ROBO1: variants seen among roughly 807,000 people sequenced by gnomAD.
ROBO1 encodes the protein roundabout homolog 1.
Under a neutral mutation model 195.9 loss-of-function variants are expected in ROBO1, and 149 were observed. The ratio of observed to expected loss-of-function variants is 0.76; its 90% CI spans 0.67 to 0.87. The LOEUF (loss-of-function observed/expected upper bound fraction) is 0.87. ROBO1 is among the 40% of genes least tolerant of loss of function. The pLI is 0.00. For synonymous variants in ROBO1, 816 were observed against 733.2 expected (o/e 1.11, Z -1.82); for missense variants, 1,933 against 2,068.3 (o/e 0.93, Z 1.27).
chr3:79,003,548 C>A (rs193063399), intron 3 of ROBO1, among the ~76,000 whole-genome samples: 1 of 152,126 alleles, frequency 6.6e-6, no homozygotes, highest in East Asian at 1.9e-4. Flanking sequence ...TTCACAGTAA[C>A]CCCATCAAGT....
intron 4 of ROBO1, among the ~76,000 whole-genome samples, chr3:78,832,000 C>A (rs1366449386): frequency 9.7e-6 from 1 of 103,260 alleles, no homozygotes; most frequent in East Asian, 2.5e-4. Flanking sequence ...AGGACACAGC[C>A]AAACCATATC....
At chr3:78,667,384 C>T (rs769329599) in intron 14 of ROBO1, among the ~76,000 whole-genome samples, 8 of 151,996 alleles carry the variant, frequency 5.3e-5, no homozygotes, top group African/African-American at 1.2e-4. Flanking sequence ...TATCTATCAC[C>T]TCAATCATTT....
chr3:79,412,698 T>C (rs1371066547), intron 2 of ROBO1, among the ~76,000 whole-genome samples: 1 of 152,036 alleles, frequency 6.6e-6, no homozygotes, highest in Non-Finnish European at 1.5e-5. Flanking sequence ...GAATACTGTA[T>C]AAAGACAGTA....
At chr3:79,631,132 T>C (rs1945328324) in intron 1 of ROBO1, among the ~76,000 whole-genome samples, 1 of 151,616 alleles carries the variant, frequency 6.6e-6, no homozygotes, top group Admixed American at 6.6e-5. Context: ...AGTTTTCACA[T>C]AATTAGAAAA....
intron 1 of ROBO1, among the ~76,000 whole-genome samples, chr3:79,690,403 G>A (rs1349133413): frequency 6.6e-6 from 1 of 151,928 alleles, no homozygotes; most frequent in Non-Finnish European, 1.5e-5. Flanking sequence ...TGCTCTGGAG[G>A]TCTTTGAACA....
chr3:79,075,766 G>A (rs899617671), intron 3 of ROBO1, among the ~76,000 whole-genome samples: 5 of 151,890 alleles, frequency 3.3e-5, no homozygotes, highest in African/African-American at 1.2e-4. Context: ...TAGCTCCATT[G>A]TGTTTCACTG....
At chr3:79,760,689 T>G (rs1285460573) in intron 1 of ROBO1, among the ~76,000 whole-genome samples, 6 of 151,398 alleles carry the variant, frequency 4.0e-5, no homozygotes, top group Non-Finnish European at 5.9e-5. Flanking sequence ...TTAAAACCAT[T>G]CAACTGGCAA....
chr3:79,524,217 T>C (rs930973564), intron 2 of ROBO1, among the ~76,000 whole-genome samples: 56 of 151,960 alleles, frequency 3.7e-4, no homozygotes, highest in African/African-American at 1.3e-3. Flanking sequence ...GAACCCACTA[T>C]TTAGAAATTT....
At chr3:78,718,664 T>A (rs1158648038) in intron 5 of ROBO1, among the ~76,000 whole-genome samples, 1 of 151,862 alleles carries the variant, frequency 6.6e-6, no homozygotes, top group Non-Finnish European at 1.5e-5. Flanking sequence ...GAGAGTTGAG[T>A]TCAATTACCC....
chr3:79,014,013 A>G (rs1417628563), intron 3 of ROBO1, among the ~76,000 whole-genome samples: 1 of 152,152 alleles, frequency 6.6e-6, no homozygotes, highest in Admixed American at 6.5e-5. Context: ...AATATTCTAA[A>G]GTCTTATCAT....
At position 79,716,547 on chromosome 3, in the gene ROBO1, G is replaced by C. The variant is rs373504845; in HGVS notation, c.-51+51205C>G. On this transcript the variant is annotated intron_variant, in intron 1 of 30. Coordinates refer to ENST00000464233, the MANE Select transcript of ROBO1 (RefSeq NM_002941.4). ...AACAATACTATGATAATTTTTCAAA[G>C]TTCTGGGTCATAATGGGAGCAGGTT... is the stretch of plus-strand genomic sequence containing the variant. Among the ~76,000 whole-genome samples the C allele has an allele frequency of 3.9e-5, 6 of 151,958 alleles. No homozygotes were observed. In the South Asian group the frequency reaches 1.2e-3, roughly 32 times the overall value.
intron 4 of ROBO1, among the ~76,000 whole-genome samples, chr3:78,899,662 C>T (rs1024630851): frequency 1.3e-5 from 2 of 152,072 alleles, no homozygotes; most frequent in Non-Finnish European, 2.9e-5. Context: ...TAATATTAAA[C>T]ATCGTTCTTT....
intron 3 of ROBO1, among the ~76,000 whole-genome samples, chr3:78,969,355 C>T (rs1002918809): frequency 4.6e-5 from 7 of 152,126 alleles, no homozygotes; most frequent in African/African-American, 1.7e-4. Context: ...CACTACAAGT[C>T]TACAAACAAA....
intron 1 of ROBO1, among the ~76,000 whole-genome samples, chr3:79,635,022 T>C (rs766340188): frequency 6.6e-6 from 1 of 152,194 alleles, no homozygotes; most frequent in Admixed American, 6.6e-5. Flanking sequence ...AACACTGATA[T>C]AACAACGTAT....
chr3:79,604,745 T>C (rs1289862043), intron 1 of ROBO1, among the ~76,000 whole-genome samples: 2 of 152,032 alleles, frequency 1.3e-5, no homozygotes, highest in Non-Finnish European at 2.9e-5. Flanking sequence ...ATTTATTCTG[T>C]GGTCATTTTC....
intron 2 of ROBO1, among the ~76,000 whole-genome samples, chr3:79,574,736 C>T (rs1319364997): frequency 6.6e-6 from 1 of 151,608 alleles, no homozygotes; most frequent in East Asian, 1.9e-4. Flanking sequence ...CTCAGGTTTA[C>T]CATATAATAA....
At chr3:79,112,951 G>T (rs1165368044) in intron 3 of ROBO1, among the ~76,000 whole-genome samples, 1 of 151,154 alleles carries the variant, frequency 6.6e-6, no homozygotes, top group Non-Finnish European at 1.5e-5. Context: ...ATTGAGATGT[G>T]GTTAAAAAAA....
chr3:78,711,315 C>T (rs192891350), intron 8 of ROBO1, among the ~76,000 whole-genome samples: 6 of 143,520 alleles, frequency 4.2e-5, no homozygotes, highest in Admixed American at 7.0e-5. Context: ...TTCTTTCTTT[C>T]TCTCTCTCTC....
chr3:78,884,429 T>C (rs1286857034), intron 4 of ROBO1, among the ~76,000 whole-genome samples: 1 of 151,786 alleles, frequency 6.6e-6, no homozygotes, highest in Non-Finnish European at 1.5e-5. Flanking sequence ...CAGAGCAACA[T>C]AGTGAGAACT....
Sources: allele counts gnomAD v4.1 joint callset (sites outside exome capture counted in the v4.1 genomes callset), GRCh38; gene constraint gnomAD v4.1.1; transcripts MANE v1.5; gene names NCBI Gene and HGNC (gene_info 2026-07-23, HGNC 2026-07-21).